PALS2: variants seen among roughly 807,000 people sequenced by gnomAD.
PALS2 encodes protein associated with LIN7 2, MAGUK p55 family member, also known as protein PALS2.
PALS2 carries 27 observed loss-of-function variants against 61.6 expected under a neutral mutation model. That is an observed-to-expected ratio of 0.44 (90% CI 0.32 to 0.60). The LOEUF is 0.60. PALS2 is among the 20% of genes least tolerant of loss of function. The pLI is 0.05. For missense variants in PALS2, 554 were observed against 639.4 expected, an observed-to-expected ratio of 0.87 and a Z score of 1.44; for synonymous variants, 236 against 218.6, an observed-to-expected ratio of 1.08 and a Z score of -0.70.
chr7:24,669,550 C>T (rs889386925), intron 9 of PALS2, among the ~76,000 whole-genome samples: 8 of 152,180 alleles, frequency 5.3e-5, no homozygotes, highest in Non-Finnish European at 1.0e-4. Flanking sequence ...GACCAAGCCC[C>T]CTTTTAACAT....
rs757223143 is a variant in PALS2 at position 24,687,561 on chromosome 7, A to T, written c.1570A>T (p.Ile524Leu). ...DKAFEKLQTA[I>L]EKLRMEPQWV... Reference sequence around the variant, plus strand: ...AGCCTTTGAAAAACTGCAAACTGCCATAGAGAAACTGAGAATGGAACCACA... The same window carrying T: ...AGCCTTTGAAAAACTGCAAACTGCCTTAGAGAAACTGAGAATGGAACCACA... Residue 524 changes from isoleucine to leucine, a missense_variant, in exon 12 of 12, where the codon ATA becomes TTA. By Grantham distance (5) the Ile-to-Leu change is conservative. Transcript: ENST00000222644. This position sits in a 1 kb window ranked among gnomAD's most constrained non-coding sequence, Gnocchi z 4.5. 1.2e-6 allele frequency: 2 copies of T among 1,612,918 alleles called. No individual in the cohort carries two copies. The highest frequency in any genetic ancestry group is 1.7e-6 in the Non-Finnish European group (2 of 1,179,664).
chr7:24,672,446 G>A (rs760076994), intron 9 of PALS2, among the ~76,000 whole-genome samples: 2 of 151,902 alleles, frequency 1.3e-5, no homozygotes, highest in Non-Finnish European at 2.9e-5. Flanking sequence ...GGCCAGGCTG[G>A]TTTCGAACTC....
chr7:24,632,079 C>G (rs1785020321), intron 2 of PALS2, among the ~76,000 whole-genome samples: 1 of 152,176 alleles, frequency 6.6e-6, no homozygotes, highest in African/African-American at 2.4e-5. Flanking sequence ...ATTAACCTAT[C>G]TCTTTTTGCA....
At chr7:24,590,559 G>A (rs1235695000) in intron 1 of PALS2, among the ~76,000 whole-genome samples, 2 of 152,052 alleles carry the variant, frequency 1.3e-5, no homozygotes, top group African/African-American at 2.4e-5. Context: ...CTGCTAATAT[G>A]GAGTCCAATC....
At chr7:24,665,981 G>T (rs779476251) in intron 7 of PALS2, 40 bp from the exon 8 acceptor site, 19 of 1,554,530 alleles carry the variant, frequency 1.2e-5, no homozygotes, top group Non-Finnish European at 1.7e-5. Flanking sequence ...TTCATATTCT[G>T]ATATACTGCT....
At chr7:24,642,082 C>A (rs1785586944) in intron 3 of PALS2, among the ~76,000 whole-genome samples, 1 of 152,146 alleles carries the variant, frequency 6.6e-6, no homozygotes, top group African/African-American at 2.4e-5. Flanking sequence ...TACACTGTTA[C>A]AGAAATACAT....
chr7:24,661,997 G>T (rs2128085600), intron 5 of PALS2, among the ~76,000 whole-genome samples: 1 of 152,212 alleles, frequency 6.6e-6, no homozygotes, highest in East Asian at 1.9e-4. Flanking sequence ...GTCAAAACAT[G>T]GAGCTGCATG....
chr7:24,589,659 T>C (rs1035459214), intron 1 of PALS2, among the ~76,000 whole-genome samples: 1 of 152,188 alleles, frequency 6.6e-6, no homozygotes, highest in African/African-American at 2.4e-5. Context: ...GGTTAATGAG[T>C]AACATAGTTC....
At chr7:24,681,670 A>G (rs924132826) in intron 11 of PALS2, among the ~76,000 whole-genome samples, 1 of 152,054 alleles carries the variant, frequency 6.6e-6, no homozygotes, top group Non-Finnish European at 1.5e-5. Context: ...CCTACCTAAC[A>G]TGTACAGCTT....
chr7:24,683,968 A>G (rs148732251), intron 11 of PALS2, among the ~76,000 whole-genome samples: 7 of 152,314 alleles, frequency 4.6e-5, no homozygotes, highest in African/African-American at 1.4e-4. Flanking sequence ...GCTTTATTCT[A>G]CAGTACAAAC....
rs139531583 is a variant in PALS2 at position 24,679,291 on chromosome 7, T to C, written c.1275T>C (p.Val425=). ...YGTKIDSILE[V]VQTGRTCILD... ...CCAAAATTGATTCTATTCTTGAGGT[T>C]GTCCAAACTGGACGGACTTGCATTC... The change falls in exon 10 of 12, where the codon GTT becomes GTC. Residue 425 remains valine (V), a synonymous_variant. Transcript: ENST00000222644. 82 of 1,614,094 alleles carry C rather than the reference T, an allele frequency of 5.1e-5. No individual in the cohort carries two copies. In the African/African-American group the frequency reaches 9.5e-4, roughly 19 times the overall value.
chr7:24,638,044 G>A (rs1179577917), intron 2 of PALS2, among the ~76,000 whole-genome samples: 1 of 151,782 alleles, frequency 6.6e-6, no homozygotes, highest in East Asian at 1.9e-4. Flanking sequence ...TGTTTCCTTT[G>A]TCTTTTTTAG....
intron 3 of PALS2, among the ~76,000 whole-genome samples, chr7:24,642,466 G>T (rs1785609448): frequency 6.6e-6 from 1 of 152,118 alleles, no homozygotes; most frequent in East Asian, 1.9e-4. Context: ...GTGGTATTGG[G>T]GAAGGTGTTA....
intron 7 of PALS2, 82 bp downstream of exon 7, chr7:24,665,769 A>G (rs1786983401): frequency 1.6e-6 from 2 of 1,260,390 alleles, no homozygotes; most frequent in Admixed American, 2.0e-5. Flanking sequence ...AAGCAAATGC[A>G]TTTATTTAAA....
chr7:24,614,609 TA>T (rs1199380548), intron 1 of PALS2, among the ~76,000 whole-genome samples: 1 of 151,862 alleles, frequency 6.6e-6, no homozygotes, highest in African/African-American at 2.4e-5. Context: ...TTATTACATC[TA>T]AAAGGATAGA....
At chr7:24,595,410 T>TA (rs1222359642) in intron 1 of PALS2, among the ~76,000 whole-genome samples, 1 of 141,400 alleles carries the variant, frequency 7.1e-6, no homozygotes, top group Non-Finnish European at 1.5e-5. Context: ...ATATAAAAAA[T>TA]ATATATAAAT....
rs1433577059 is a variant in PALS2 at position 24,688,432 on chromosome 7, T to C, written c.*818T>C. 1 of 152,122 alleles carries C rather than the reference T, an allele frequency of 6.6e-6. No individual in the cohort carries two copies. The highest frequency in any genetic ancestry group is 1.5e-5 in the Non-Finnish European group (1 of 68,010). The allele number at this position is 152,122 out of a possible 1,614,324, so 9.4% of individuals were successfully genotyped here. On this transcript the variant is annotated 3_prime_UTR_variant, in exon 12 of 12. Transcript: ENST00000222644. Reference sequence around the variant, plus strand: ...GTAAAACCTTACAGCAAAATGACACTTGAAGAAAGTTTATTTTCACATGTA... The same window carrying C: ...GTAAAACCTTACAGCAAAATGACACCTGAAGAAAGTTTATTTTCACATGTA...
rs1012959380 is a variant in PALS2, at chr7:24,573,506, G to A, written c.-90G>A. 9 of 386,748 alleles carry A rather than the reference G, an allele frequency of 2.3e-5. No individual in the cohort carries two copies. Among genetic ancestry groups the A allele is most frequent in the African/African-American group, 1.9e-4 (9 of 47,752 alleles). The allele number at this position is 386,748 out of a possible 1,614,324, so 24.0% of individuals were successfully genotyped here. On this transcript the variant is annotated 5_prime_UTR_variant, in exon 1 of 12. Transcript: ENST00000222644. The surrounding 1 kb of genome is among the most constrained non-coding windows in gnomAD (Gnocchi z 5.3). ...AGTTTGCAGATGGGGCTGCTCGGCG[G>A]CGCCTGTGGCTGAGGGAGAGCAGCG...
chr7:24,621,545 C>T (rs1431467202), intron 1 of PALS2, among the ~76,000 whole-genome samples: 1 of 151,728 alleles, frequency 6.6e-6, no homozygotes, highest in African/African-American at 2.4e-5. Context: ...AGATAATGTC[C>T]AAAATGGGTC....
Sources: gnomAD v4.1 joint callset for allele counts (sites outside exome capture counted in the v4.1 genomes callset) on GRCh38, gnomAD v4.1.1 for gene constraint, Gnocchi (gnomAD v3.1) non-coding constraint, MANE v1.5 for transcripts, NCBI Gene and HGNC (gene_info 2026-07-23, HGNC 2026-07-21) for gene names.